Variants in RBPJL observed in about 807,000 individuals in gnomAD.
RBPJL encodes recombining binding protein suppressor of hairless-like protein.
A neutral mutation model predicts 57.6 loss-of-function variants in RBPJL; 50 were observed. That is an observed-to-expected ratio of 0.87 (90% CI 0.69 to 1.10). RBPJL has a LOEUF of 1.10. Among genes scored for constraint, RBPJL ranks in the 50% least tolerant of loss-of-function variants. RBPJL has a pLI of 0.00. For synonymous variants in RBPJL, 303 were observed against 294.4 expected, an observed-to-expected ratio of 1.03 and a Z score of -0.30; for missense variants, 684 against 693.7, an observed-to-expected ratio of 0.99 and a Z score of 0.16.
intron 2 of RBPJL, chr20:45,308,582 C>T: frequency 3.0e-6 from 1 of 332,016 alleles, no homozygotes; most frequent in Non-Finnish European, 5.8e-6. Context: ...AGGAGAGCCC[C>T]AAGGGGTGGA....
Position 45,316,275 on chromosome 20 carries a change from C to A in RBPJL, c.1109C>A (p.Ser370Tyr). The stretch of plus-strand genomic sequence containing the variant: ...ATCGGCACCGAGTCGGTGGAATTTT[C>A]CTTCAGCACCAGCCTGGCGTGTACC... The part of the protein sequence containing the change: ...TIIGTESVEF[S>Y]FSTSLACTLE... Residue 370 changes from serine to tyrosine, a missense_variant, in exon 10 of 12, where the codon TCC becomes TAC. Ser to Tyr is a moderately radical substitution (Grantham distance 144). Transcript: ENST00000343694. 1 of 1,614,246 alleles carries A rather than the reference C, an allele frequency of 6.2e-7. No homozygotes were observed. The highest frequency in any genetic ancestry group is 8.5e-7 in the Non-Finnish European group (1 of 1,180,034).
chr20:45,313,381 C>T, intron 6 of RBPJL, 87 bp from the exon 7 acceptor site: 1 of 1,179,192 alleles, frequency 8.5e-7, no homozygotes, highest in Non-Finnish European at 1.2e-6. Flanking sequence ...TCACCCTAAC[C>T]CTAACCCCAA....
At chr20:45,309,456 T>A in intron 2 of RBPJL, 111 bp from the exon 3 acceptor site, 1 of 1,159,748 alleles carries the variant, frequency 8.6e-7, no homozygotes, top group Non-Finnish European at 1.2e-6. Flanking sequence ...ACCCTCCCAC[T>A]CACTCTAACC....
At position 45,316,754 on chromosome 20, in the gene RBPJL, G is replaced by A; in HGVS notation, c.1349G>A (p.Arg450His). 1 of 1,613,644 alleles carries A rather than the reference G, an allele frequency of 6.2e-7. No individual in the cohort carries two copies. Among genetic ancestry groups the A allele is most frequent in the Non-Finnish European group, 8.5e-7 (1 of 1,179,770 alleles). The stretch of plus-strand genomic sequence containing the variant: ...TTCTGCAGCGACTGGCGCTGGCTGC[G>A]CGCTCCCATCACAATCCCCATGAGC... ...AAFCSDWRWL[R>H]APITIPMSLV... Residue 450 changes from arginine (R) to histidine (H), a missense_variant, in exon 12 of 12, where the codon CGC (arginine) becomes CAC (histidine). Physicochemically the swap from Arg to His is conservative, Grantham distance 29. Coordinates refer to ENST00000343694, the MANE Select transcript of RBPJL (RefSeq NM_014276.4).
Position 45,312,213 on chromosome 20 carries a change from C to G in RBPJL, c.445-8C>G. 6.2e-7 allele frequency: 1 copy of G among 1,614,018 alleles called. No individual in the cohort carries two copies. Among genetic ancestry groups the G allele is most frequent in the African/African-American group, 1.3e-5 (1 of 75,046 alleles). ...GATGAGATGGCCCTGTACCTGTGAG[C>G]CCCCTAGGAATTCGGCTGCGCCAAG... On this transcript the variant is annotated splice_polypyrimidine_tract_variant and splice_region_variant and intron_variant, in intron 5 of 11. Transcript: ENST00000343694.
At chr20:45,314,012 C>T (rs1252729585) in intron 7 of RBPJL, 23 bp from the exon 8 acceptor site, 2 of 1,563,650 alleles carry the variant, frequency 1.3e-6, no homozygotes, top group Non-Finnish European at 1.8e-6. Context: ...AAAACCTTGT[C>T]CCTTGCTTTT....
rs760954854 is a variant in RBPJL at position 45,316,814 on chromosome 20, C to T, written c.1409C>T (p.Ala470Val). The change falls in exon 12 of 12, where the codon GCC becomes GTC. Residue 470 changes from alanine (A) to valine (V), a missense_variant. Physicochemically the swap from Ala to Val is moderately conservative, Grantham distance 64. Coordinates refer to ENST00000343694, the MANE Select transcript of RBPJL (RefSeq NM_014276.4). ...GCCGACGGGCTCTTCTACCCTAGTG[C>T]CTTCTCCTTCACCTACACCCCGGAA... ...VRADGLFYPSAFSFTYTPEYS... is the reference protein window; with the variant it reads ...VRADGLFYPSVFSFTYTPEYS... The T allele has an allele frequency of 1.2e-6, 2 of 1,613,832 alleles. No individual in the cohort carries two copies. The highest frequency in any genetic ancestry group is 2.7e-5 in the African/African-American group (2 of 74,916).
chr20:45,315,777 A>T (rs1413206124), intron 9 of RBPJL: 1 of 152,892 alleles, frequency 6.5e-6, no homozygotes, highest in Non-Finnish European at 1.4e-5. Context: ...GAAGGAAGGA[A>T]GAAGAGAGAA....
intron 6 of RBPJL, 146 bp from the exon 7 acceptor site, chr20:45,313,322 C>G (rs548627834): frequency 1.8e-6 from 1 of 562,428 alleles, no homozygotes; most frequent in Non-Finnish European, 3.0e-6. Flanking sequence ...TACCCTCACC[C>G]TCACTCTAAC....
chr20:45,309,138 C>G (rs1193690764), intron 2 of RBPJL, among the ~76,000 whole-genome samples: 1 of 152,034 alleles, frequency 6.6e-6, no homozygotes, highest in Non-Finnish European at 1.5e-5. Context: ...TCACCCCCCA[C>G]CCTGCCTTCC....
In RBPJL at chr20:45,311,884, G is replaced by T. The variant is rs35472429; in HGVS notation, c.374G>T (p.Gly125Val). Residue 125 changes from glycine (G) to valine (V), a missense_variant, in exon 5 of 12, where the codon GGA (glycine) becomes GTA (valine). Coordinates refer to ENST00000343694, the MANE Select transcript of RBPJL (RefSeq NM_014276.4). Reference sequence around the variant, plus strand: ...GGGCCCACGGTCTGCGGTTACATGGGACTGGACAGCGCGTCCGGCAGCGCC... The same window carrying T: ...GGGCCCACGGTCTGCGGTTACATGGTACTGGACAGCGCGTCCGGCAGCGCC... ...ETGPTVCGYM[G>V]LDSASGSATE... is the part of the protein sequence containing the mutation. 749 of 1,551,742 alleles carry T rather than the reference G, an allele frequency of 4.8e-4. 3 individuals carry two copies. The African/African-American group carries it at 8.1e-3, about 17-fold the overall frequency.
chr20:45,316,458 T>A lies in RBPJL; in HGVS notation c.1177-19T>A, dbSNP rs1182935383. On this transcript the variant is annotated intron_variant, in intron 10 of 11. Coordinates refer to ENST00000343694, the MANE Select transcript of RBPJL (RefSeq NM_014276.4). ...CCCTACTTGGTTCTCTCACCTCACCTGGTCCCACCCTCCCCCAGCTGAGCG... is the reference window on the plus strand; with the variant it reads ...CCCTACTTGGTTCTCTCACCTCACCAGGTCCCACCCTCCCCCAGCTGAGCG... 6.4e-7 allele frequency: 1 copy of A among 1,553,446 alleles called. No individual in the cohort carries two copies. Among genetic ancestry groups the A allele is most frequent in the Admixed American group, 2.0e-5 (1 of 50,920 alleles).
At chr20:45,309,749 C>T (rs1987055473) in intron 3 of RBPJL, 57 bp downstream of exon 3, 2 of 1,600,934 alleles carry the variant, frequency 1.2e-6, no homozygotes, top group Non-Finnish European at 1.7e-6. Context: ...TATGCACCTC[C>T]TCCATCCACC....
In RBPJL at chr20:45,309,449, C is replaced by A. The variant is rs1987023757; in HGVS notation, c.132-118C>A. On this transcript the variant is annotated intron_variant, in intron 2 of 11. Coordinates refer to ENST00000343694, the MANE Select transcript of RBPJL (RefSeq NM_014276.4). ...GGGCAGGATATAGAGCAGCCCCACCCTCCCACTCACTCTAACCCCCTGCTC... is the reference window on the plus strand; with the variant it reads ...GGGCAGGATATAGAGCAGCCCCACCATCCCACTCACTCTAACCCCCTGCTC... 7 of 1,098,470 alleles carry A rather than the reference C, an allele frequency of 6.4e-6. No homozygotes were observed. In the South Asian group the frequency reaches 7.3e-5, roughly 11 times the overall value. The allele number at this position is 1,098,470 out of a possible 1,614,324, so 68.0% of individuals were successfully genotyped here. A position where few individuals can be genotyped will look rare whatever the true frequency, so the allele number is the denominator to read the frequency against.
At chr20:45,310,592 C>A (rs1313342363) in intron 3 of RBPJL, among the ~76,000 whole-genome samples, 5 of 150,440 alleles carry the variant, frequency 3.3e-5, no homozygotes, top group Non-Finnish European at 7.4e-5. Context: ...GGCGACAGAG[C>A]AAGACTCAGT....
In RBPJL at chr20:45,314,108, C is replaced by G. The variant is rs201499145; in HGVS notation, c.831C>G (p.Leu277=). The G allele has an allele frequency of 2.5e-6, 4 of 1,613,956 alleles. No individual in the cohort carries two copies. Among genetic ancestry groups the G allele is most frequent in the Non-Finnish European group, 3.4e-6 (4 of 1,179,936 alleles). Residue 277 remains leucine, a synonymous_variant, in exon 8 of 12, where the codon CTC becomes CTG. Transcript: ENST00000343694. The part of the protein sequence containing the change: ...GYVRYGSLVQ[L]VCTVTGITLP... ...TTCGCTATGGCTCCCTGGTGCAGCT[C>G]GTCTGCACGGTCACCGGCATCACAC...
rs1052398347 is a variant in RBPJL at position 45,308,238 on chromosome 20, G to C, written c.118G>C (p.Gly40Arg). Residue 40 changes from glycine (G) to arginine (R), a missense_variant, in exon 2 of 12, where the codon GGC (glycine) becomes CGC (arginine). Coordinates refer to ENST00000343694, the MANE Select transcript of RBPJL (RefSeq NM_014276.4). ...QSEADRRSLP[G>R]TWTRSSPEHT... ...CGAAGCCGACAGGCGGAGCCTCCCG[G>C]GCACTTGGACCAGGTAACGGCGGCG... is the stretch of plus-strand genomic sequence containing the variant. 6.2e-7 allele frequency: 1 copy of C among 1,613,032 alleles called. No individual in the cohort carries two copies. The highest frequency in any genetic ancestry group is 1.3e-5 in the African/African-American group (1 of 74,910).
Position 45,316,210 on chromosome 20 carries a change from G to T in RBPJL, c.1044G>T (p.Ala348=), listed in dbSNP as rs766396029. The T allele has an allele frequency of 6.2e-7, 1 of 1,614,190 alleles. No homozygotes were observed. The highest frequency in any genetic ancestry group is 8.5e-7 in the Non-Finnish European group (1 of 1,180,006). The part of the protein sequence containing the change: ...QFQASPCPKE[A]NRALLNDSSC... ...AGGCCTCTCCCTGCCCCAAGGAGGC[G>T]AACAGGGCTCTGCTTAACGACAGCT... is the stretch of plus-strand genomic sequence containing the variant. The change falls in exon 10 of 12, where the codon GCG becomes GCT. Residue 348 remains alanine, a synonymous_variant. Transcript: ENST00000343694.
chr20:45,307,121 C>A (rs1385833723), intron 1 of RBPJL, among the ~76,000 whole-genome samples, 177 bp downstream of exon 1: 1 of 151,472 alleles, frequency 6.6e-6, no homozygotes. Context: ...TCTCTTGAGG[C>A]CCCCTGGCGC....
Sources: allele counts gnomAD v4.1 joint callset (sites outside exome capture counted in the v4.1 genomes callset), GRCh38; gene constraint gnomAD v4.1.1; transcripts MANE v1.5; gene names NCBI Gene and HGNC (gene_info 2026-07-23, HGNC 2026-07-21).